The following PAK3 variants were observed in gnomAD, a reference collection of about 807,000 sequenced individuals.
PAK3 encodes serine/threonine-protein kinase PAK 3.
Under a neutral mutation model 41.0 loss-of-function variants are expected in PAK3, and 4 were observed. The observed-to-expected ratio is 0.10, with a 90% CI of 0.05 to 0.22. The LOEUF is 0.22. PAK3 is among the 10% of genes least tolerant of loss of function. The pLI is 1.00. For synonymous variants in PAK3, 146 were observed against 139.6 expected (o/e 1.05, Z -0.32); for missense variants, 205 against 409.9 (o/e 0.50, Z 4.32).
intron 1 of PAK3, among the ~76,000 whole-genome samples, chrX:111,038,989 C>A (rs1053876252): frequency 1.8e-5 from 2 of 111,505 alleles, no homozygotes; most frequent in African/African-American, 6.5e-5. Flanking sequence ...TAAACTTGAT[C>A]ATCACTTCCT....
chrX:111,150,249 T>C (rs903099088), intron 7 of PAK3, among the ~76,000 whole-genome samples: 1 of 112,185 alleles, frequency 8.9e-6, no homozygotes, highest in African/African-American at 3.2e-5. Flanking sequence ...ACAAAGTCAT[T>C]CAACAAGCCT....
At chrX:110,976,789 T>C (rs1341406189) in intron 1 of PAK3, among the ~76,000 whole-genome samples, 1 of 111,326 alleles carries the variant, frequency 9.0e-6, no homozygotes, top group Non-Finnish European at 1.9e-5. Flanking sequence ...ATAAAAAGTA[T>C]GAGTTCATGT....
chrX:110,998,427 T>C (rs906704592), intron 1 of PAK3, among the ~76,000 whole-genome samples: 2 of 112,311 alleles, frequency 1.8e-5, no homozygotes, highest in African/African-American at 6.5e-5. Flanking sequence ...GAGAATTGGC[T>C]GTTGAATTTT....
chrX:111,153,593 T>C (rs1179669426), intron 8 of PAK3, among the ~76,000 whole-genome samples: 1 of 112,033 alleles, frequency 8.9e-6, no homozygotes, highest in African/African-American at 3.2e-5. Context: ...CAGTCATGGA[T>C]GGCCAACCTG....
intron 1 of PAK3, among the ~76,000 whole-genome samples, chrX:111,020,984 C>G (rs1016551381): frequency 8.1e-5 from 9 of 111,239 alleles, no homozygotes; most frequent in Non-Finnish European, 1.7e-4. Context: ...CCCCCATCCC[C>G]CACAGCAGCC....
chrX:111,049,469 T>C (rs1183216112), intron 1 of PAK3, among the ~76,000 whole-genome samples: 3 of 111,985 alleles, frequency 2.7e-5, no homozygotes, highest in African/African-American at 9.7e-5. Context: ...TGAGTGAATG[T>C]GGCATAAATT....
chrX:111,193,617 T>C (rs1038978119), intron 13 of PAK3, among the ~76,000 whole-genome samples: 4 of 111,005 alleles, frequency 3.6e-5, no homozygotes, highest in Non-Finnish European at 7.6e-5. Flanking sequence ...CCCAAAGTGC[T>C]GGGATTACAG....
At chrX:110,984,844 A>G (rs983423052) in intron 1 of PAK3, among the ~76,000 whole-genome samples, 1 of 110,501 alleles carries the variant, frequency 9.0e-6, no homozygotes, top group South Asian at 4.0e-4. Flanking sequence ...ACTTTAACAA[A>G]CAGGCTGGGT....
At chrX:111,147,689 G>A (rs1312627626) in intron 6 of PAK3, 48 bp from the exon 7 acceptor site, 1 of 927,455 alleles carries the variant, frequency 1.1e-6, no homozygotes, top group East Asian at 3.1e-5. Context: ...TAAAAATGCT[G>A]CTGCAGAATG....
chrX:111,184,527 T>G (rs937266381), intron 11 of PAK3, among the ~76,000 whole-genome samples: 12 of 109,954 alleles, frequency 1.1e-4, no homozygotes, highest in Admixed American at 6.8e-4. Context: ...GTTAGGTATT[T>G]GTCCTAATGC....
At chrX:110,974,783 C>T (rs1208003766) in intron 1 of PAK3, among the ~76,000 whole-genome samples, 1 of 111,828 alleles carries the variant, frequency 8.9e-6, no homozygotes, top group African/African-American at 3.3e-5. Context: ...GGCTTCATCC[C>T]TGGGAAGCAA....
intron 5 of PAK3, among the ~76,000 whole-genome samples, chrX:111,127,811 GTT>G (rs2093668783): frequency 9.0e-6 from 1 of 111,380 alleles, no homozygotes; most frequent in East Asian, 2.8e-4. Context: ...TATCTTTATT[GTT>G]TTTGTTTTTT....
At chrX:111,194,160 G>A (rs1603376001) in intron 13 of PAK3, 141 bp from the exon 14 acceptor site, 2 of 540,523 alleles carry the variant, frequency 3.7e-6, no homozygotes, top group Non-Finnish European at 6.7e-6. Context: ...ATCACTTGGA[G>A]TATGTCCCTC....
chrX:110,976,762 T>C (rs967395356), intron 1 of PAK3, among the ~76,000 whole-genome samples: 21 of 111,712 alleles, frequency 1.9e-4, no homozygotes, highest in Non-Finnish European at 1.7e-4. Flanking sequence ...ATATACAACA[T>C]GGAATACTAT....
chrX:111,104,651 A>T (rs2093218555), intron 4 of PAK3, among the ~76,000 whole-genome samples: 1 of 111,914 alleles, frequency 8.9e-6, no homozygotes, highest in Non-Finnish European at 1.9e-5. Flanking sequence ...TCTGTGACAG[A>T]TGCAATAATA....
At chrX:111,003,185 G>A (rs1057226132) in intron 1 of PAK3, among the ~76,000 whole-genome samples, 4 of 111,831 alleles carry the variant, frequency 3.6e-5, no homozygotes, top group Non-Finnish European at 7.5e-5. Flanking sequence ...TGCAGCCCTC[G>A]AGCCACACCT....
intron 3 of PAK3, among the ~76,000 whole-genome samples, chrX:111,101,692 C>G (rs1462428719): frequency 1.8e-5 from 2 of 111,591 alleles, no homozygotes; most frequent in Non-Finnish European, 3.8e-5. Context: ...AGCTTGCACC[C>G]CTCTCCCCCT....
chrX:111,062,312 T>C (rs2092663440), intron 1 of PAK3, among the ~76,000 whole-genome samples: 1 of 112,551 alleles, frequency 8.9e-6, no homozygotes, highest in African/African-American at 3.2e-5. Context: ...GTAGGTTTGC[T>C]GTAGGTTTCT....
chrX:111,214,803 TATA>T (rs1157151505), intron 16 of PAK3, among the ~76,000 whole-genome samples: 1 of 110,990 alleles, frequency 9.0e-6, no homozygotes, highest in Non-Finnish European at 1.9e-5. Context: ...CAGAAATACC[TATA>T]ATAATAATAA....
Sources: allele counts gnomAD v4.1 joint callset (sites outside exome capture counted in the v4.1 genomes callset), GRCh38; gene constraint gnomAD v4.1.1; transcripts MANE v1.5; gene names NCBI Gene and HGNC (gene_info 2026-07-23, HGNC 2026-07-21).